The following ZBTB44 variants were observed in gnomAD, a reference collection of about 807,000 sequenced individuals.
ZBTB44 encodes the protein zinc finger and BTB domain containing 44.
A neutral mutation model predicts 54.0 loss-of-function variants in ZBTB44; 15 were observed. The ratio of observed to expected loss-of-function variants is 0.28; its 90% CI spans 0.19 to 0.43. The LOEUF (loss-of-function observed/expected upper bound fraction) is 0.43. Among genes scored for constraint, ZBTB44 ranks in the 20% least tolerant of loss-of-function variants. ZBTB44 has a pLI of 1.00. For synonymous variants in ZBTB44, 230 were observed against 250.1 expected (o/e 0.92, Z 0.76); for missense variants, 487 against 707.1 (o/e 0.69, Z 3.53).
chr11:130,303,663 C>A (rs758689851), intron 1 of ZBTB44, among the ~76,000 whole-genome samples: 7 of 151,790 alleles, frequency 4.6e-5, no homozygotes, highest in African/African-American at 7.3e-5. Context: ...AACAAAAAAA[C>A]CCAAAAAAAC....
chr11:130,257,202 C>T (rs1938509332), intron 2 of ZBTB44, among the ~76,000 whole-genome samples: 1 of 138,276 alleles, frequency 7.2e-6, no homozygotes, highest in Non-Finnish European at 1.6e-5. Flanking sequence ...TACCCAAAAA[C>T]ACAACTTGCA....
intron 1 of ZBTB44, among the ~76,000 whole-genome samples, chr11:130,273,784 G>T (rs1939851207): frequency 6.6e-6 from 1 of 152,014 alleles, no homozygotes; most frequent in East Asian, 1.9e-4. Flanking sequence ...CAAAATGCTT[G>T]GGGGCCAGGC....
chr11:130,254,528 C>A (rs1009008542), intron 2 of ZBTB44, among the ~76,000 whole-genome samples: 28 of 152,248 alleles, frequency 1.8e-4, no homozygotes, highest in African/African-American at 6.3e-4. Flanking sequence ...CAATGAGATA[C>A]CATCTCACAC....
chr11:130,261,807 T>C lies in ZBTB44; in HGVS notation c.67A>G (p.Met23Val), dbSNP rs1203383476. ...HSQEMLGKLN[M>V]LRNDGHFCDI... ...CAAAAATGTCCATCATTTCGCAGCA[T>C]ATTTAGCTTTCCAAGCATTTCCTGG... is the stretch of plus-strand genomic sequence containing the variant. Residue 23 changes from methionine (M) to valine (V), a missense_variant, in exon 2 of 8, where the codon ATG (methionine) becomes GTG (valine). Transcript: ENST00000357899. The surrounding 1 kb of genome is among the most constrained non-coding windows in gnomAD (Gnocchi z 4.8). 1 of 1,613,878 alleles carries C rather than the reference T, an allele frequency of 6.2e-7. No individual in the cohort carries two copies. The highest frequency in any genetic ancestry group is 1.3e-5 in the African/African-American group (1 of 74,938).
At chr11:130,280,208 T>C (rs999359156) in intron 1 of ZBTB44, among the ~76,000 whole-genome samples, 1 of 152,120 alleles carries the variant, frequency 6.6e-6, no homozygotes, top group Non-Finnish European at 1.5e-5. Context: ...TAAATGCAAA[T>C]GATTTAATCA....
intron 1 of ZBTB44, among the ~76,000 whole-genome samples, chr11:130,277,597 A>G (rs917629973): frequency 6.6e-6 from 1 of 152,346 alleles, no homozygotes; most frequent in East Asian, 1.9e-4. Context: ...AGCATTACAT[A>G]TATGTATATA....
At chr11:130,244,022 T>C (rs1160555566) in intron 2 of ZBTB44, among the ~76,000 whole-genome samples, 5 of 152,206 alleles carry the variant, frequency 3.3e-5, no homozygotes, top group African/African-American at 1.2e-4. Flanking sequence ...CTCTTTGAGT[T>C]GATCAACCAA....
chr11:130,308,949 A>G (rs952764075), intron 1 of ZBTB44, among the ~76,000 whole-genome samples: 2 of 152,246 alleles, frequency 1.3e-5, no homozygotes, highest in African/African-American at 2.4e-5. Flanking sequence ...CAGATAAGGT[A>G]TAAGTCTGCC....
At chr11:130,283,615 A>T (rs532751344) in intron 1 of ZBTB44, among the ~76,000 whole-genome samples, 2 of 152,314 alleles carry the variant, frequency 1.3e-5, no homozygotes, top group South Asian at 4.1e-4. Context: ...CTCATTTTAA[A>T]AAATTAAGCT....
At chr11:130,243,540 TC>T (rs1954482701) in intron 2 of ZBTB44, among the ~76,000 whole-genome samples, 1 of 152,244 alleles carries the variant, frequency 6.6e-6, no homozygotes, top group Non-Finnish European at 1.5e-5. Context: ...CCTTTTCTAG[TC>T]CGCTCATTGC....
At chr11:130,260,453 T>C (rs943015618) in intron 2 of ZBTB44, among the ~76,000 whole-genome samples, 1 of 152,238 alleles carries the variant, frequency 6.6e-6, no homozygotes, top group Admixed American at 6.5e-5. Flanking sequence ...ACTGTAATCA[T>C]TTACTTTCAT....
At chr11:130,263,504 G>A in intron 1 of ZBTB44, among the ~76,000 whole-genome samples, 1 of 152,210 alleles carries the variant, frequency 6.6e-6, no homozygotes, top group East Asian at 1.9e-4. Context: ...TGCTTTCAGA[G>A]CAAGTGAATT....
At chr11:130,250,377 G>A (rs1009531709) in intron 2 of ZBTB44, among the ~76,000 whole-genome samples, 1 of 152,222 alleles carries the variant, frequency 6.6e-6, no homozygotes, top group African/African-American at 2.4e-5. Flanking sequence ...GTTCTGAAGA[G>A]AGCAGCGGAT....
Position 130,238,586 on chromosome 11 carries a change from G to A in ZBTB44, c.1125C>T (p.Pro375=), listed in dbSNP as rs761288702. 4 of 1,610,858 alleles carry A rather than the reference G, an allele frequency of 2.5e-6. No individual in the cohort carries two copies. The highest frequency in any genetic ancestry group is 1.1e-5 in the South Asian group (1 of 90,162). The change falls in exon 4 of 8, where the codon CCC becomes CCT. Residue 375 remains proline, a synonymous_variant. Coordinates refer to ENST00000357899, the MANE Select transcript of ZBTB44 (RefSeq NM_001301098.2). ...DDDRLENVQY[P]YQLYIAPSTS... ...TGGAAGGAGCAATGTAGAGTTGGTA[G>A]GGATACTGAACATTTTCCAATCTAA...
intron 1 of ZBTB44, among the ~76,000 whole-genome samples, chr11:130,264,880 A>G (rs1416667644): frequency 6.6e-6 from 1 of 152,194 alleles, no homozygotes; most frequent in African/African-American, 2.4e-5. Context: ...TACTGGTGCC[A>G]CTTTCCACCA....
chr11:130,311,807 TA>T (rs1853588419), intron 1 of ZBTB44, among the ~76,000 whole-genome samples: 1 of 152,102 alleles, frequency 6.6e-6, no homozygotes, highest in African/African-American at 2.4e-5. Flanking sequence ...AAAGAAAGTA[TA>T]AGATAAACCC....
chr11:130,272,637 C>T (rs1013868494), intron 1 of ZBTB44, among the ~76,000 whole-genome samples: 1 of 149,510 alleles, frequency 6.7e-6, no homozygotes, highest in South Asian at 2.1e-4. Flanking sequence ...CTTTTGGTAT[C>T]GTATCTACAA....
At chr11:130,260,142 T>C (rs920615461) in intron 2 of ZBTB44, among the ~76,000 whole-genome samples, 1 of 152,202 alleles carries the variant, frequency 6.6e-6, no homozygotes, top group Non-Finnish European at 1.5e-5. Context: ...CTTTACAGCC[T>C]GCGCTCAACC....
intron 1 of ZBTB44, among the ~76,000 whole-genome samples, chr11:130,298,010 G>T (rs940367977): frequency 1.3e-5 from 2 of 152,246 alleles, no homozygotes; most frequent in African/African-American, 4.8e-5. Flanking sequence ...GCTGGAGTTG[G>T]CTTACTTTAA....
Sources: allele counts gnomAD v4.1 joint callset (sites outside exome capture counted in the v4.1 genomes callset), GRCh38; gene constraint gnomAD v4.1.1; non-coding constraint Gnocchi (gnomAD v3.1); transcripts MANE v1.5; gene names NCBI Gene and HGNC (gene_info 2026-07-23, HGNC 2026-07-21).